Variants in SPTLC1 observed in about 807,000 individuals in gnomAD.
SPTLC1 encodes serine palmitoyltransferase 1.
Under a neutral mutation model 68.9 loss-of-function variants are expected in SPTLC1, and 55 were observed. That is an observed-to-expected ratio of 0.80 (90% CI 0.64 to 1.00). The LOEUF (loss-of-function observed/expected upper bound fraction) is 1.00. Among genes scored for constraint, SPTLC1 ranks in the 50% least tolerant of loss-of-function variants. SPTLC1 has a pLI of 0.00. For synonymous variants in SPTLC1, 197 were observed against 201.6 expected (o/e 0.98, Z 0.19); for missense variants, 449 against 573.1 (o/e 0.78, Z 2.21).
chr9:92,037,848 G>A (rs200584280), intron 13 of SPTLC1, among the ~76,000 whole-genome samples: 5 of 152,286 alleles, frequency 3.3e-5, no homozygotes, highest in South Asian at 4.1e-4. Flanking sequence ...ACAGCCAGCC[G>A]TCCAGGAATG....
intron 5 of SPTLC1, among the ~76,000 whole-genome samples, chr9:92,072,957 C>T (rs543162841): frequency 1.3e-5 from 2 of 151,878 alleles, no homozygotes; most frequent in African/African-American, 4.8e-5. Flanking sequence ...CTTTCTCCCC[C>T]CAACCCACCT....
chr9:92,051,042 C>T, intron 8 of SPTLC1: 1 of 985,296 alleles, frequency 1.0e-6, no homozygotes, highest in Non-Finnish European at 1.2e-6. Context: ...TGTCCATTAG[C>T]ACTGCTTCAT....
At chr9:92,081,497 G>C (rs1834883815) in intron 3 of SPTLC1, among the ~76,000 whole-genome samples, 1 of 152,190 alleles carries the variant, frequency 6.6e-6, no homozygotes, top group African/African-American at 2.4e-5. Flanking sequence ...CACACTCCTG[G>C]GGAGCGGGGA....
At chr9:92,033,025 T>C (rs1353697881) in intron 14 of SPTLC1, among the ~76,000 whole-genome samples, 2 of 152,204 alleles carry the variant, frequency 1.3e-5, no homozygotes, top group African/African-American at 4.8e-5. Context: ...GTCCTCCCAA[T>C]AGGCCTGTCT....
At chr9:92,045,540 A>AC (rs1452608379) in intron 12 of SPTLC1, among the ~76,000 whole-genome samples, 1 of 148,802 alleles carries the variant, frequency 6.7e-6, no homozygotes, top group Non-Finnish European at 1.5e-5. Flanking sequence ...AAAAAAAAAA[A>AC]AAAAAAAAAA....
At chr9:92,114,080 G>T (rs1357807636) in intron 1 of SPTLC1, among the ~76,000 whole-genome samples, 1 of 151,312 alleles carries the variant, frequency 6.6e-6, no homozygotes, top group Non-Finnish European at 1.5e-5. Flanking sequence ...TCGAGGCCAG[G>T]CTGGGCAACA....
At chr9:92,034,746 T>G in intron 14 of SPTLC1, 64 bp downstream of exon 14, 1 of 1,390,376 alleles carries the variant, frequency 7.2e-7, no homozygotes, top group South Asian at 1.2e-5. Flanking sequence ...TTTCAAAAGA[T>G]AACGTATTTC....
At chr9:92,045,089 G>A (rs1833462921) in intron 12 of SPTLC1, among the ~76,000 whole-genome samples, 1 of 152,174 alleles carries the variant, frequency 6.6e-6, no homozygotes, top group Non-Finnish European at 1.5e-5. Flanking sequence ...TGCAAGAACT[G>A]CTGTTACTAT....
intron 6 of SPTLC1, among the ~76,000 whole-genome samples, chr9:92,065,025 T>C (rs1260566804): frequency 6.6e-6 from 1 of 152,242 alleles, no homozygotes; most frequent in Non-Finnish European, 1.5e-5. Flanking sequence ...ATCTTGACAA[T>C]GACAAAGTCA....
intron 12 of SPTLC1, among the ~76,000 whole-genome samples, chr9:92,040,415 A>C (rs540216773): frequency 2.6e-5 from 4 of 152,174 alleles, no homozygotes; most frequent in South Asian, 4.2e-4. Context: ...AAAACAACAA[A>C]AAAAACTGCT....
At chr9:92,089,499 A>G (rs1399175323) in intron 3 of SPTLC1, among the ~76,000 whole-genome samples, 2 of 152,244 alleles carry the variant, frequency 1.3e-5, no homozygotes, top group Non-Finnish European at 1.5e-5. Context: ...CAATAAAATT[A>G]GAAATCTAAA....
intron 6 of SPTLC1, among the ~76,000 whole-genome samples, chr9:92,064,570 G>C (rs1834217148): frequency 6.6e-6 from 1 of 152,176 alleles, no homozygotes; most frequent in Admixed American, 6.5e-5. Context: ...TAAAAACTAT[G>C]CAATACTATA....
At chr9:92,093,002 A>G (rs1295896485) in intron 3 of SPTLC1, among the ~76,000 whole-genome samples, 2 of 152,072 alleles carry the variant, frequency 1.3e-5, no homozygotes, top group African/African-American at 2.4e-5. Flanking sequence ...ATCTTTCAAA[A>G]CCTTTTTTTA....
intron 13 of SPTLC1, 43 bp from the exon 14 acceptor site, chr9:92,034,926 C>T (rs371374699): frequency 2.0e-6 from 3 of 1,520,062 alleles, no homozygotes; most frequent in Non-Finnish European, 2.7e-6. Context: ...GGACTTCAGA[C>T]ATGGTGGTAA....
chr9:92,106,626 G>T (rs1333332355), intron 3 of SPTLC1, among the ~76,000 whole-genome samples: 2 of 152,058 alleles, frequency 1.3e-5, no homozygotes, highest in Admixed American at 6.5e-5. Flanking sequence ...CCCACGTGCT[G>T]TTGGGCCCCT....
chr9:92,051,029 A>G (rs141054074), intron 8 of SPTLC1: 3 of 985,208 alleles, frequency 3.0e-6, no homozygotes, highest in Admixed American at 1.2e-4. Context: ...TTAGTTTCGT[A>G]TCTGTCCATT....
intron 7 of SPTLC1, among the ~76,000 whole-genome samples, chr9:92,057,848 A>T (rs117124740): frequency 0.03 from 4,559 of 152,306 alleles, 131 homozygotes; most frequent in South Asian, 0.11. Flanking sequence ...AAAAAGTAAA[A>T]ATTATAAAGT....
In SPTLC1 at chr9:92,038,366, C is replaced by T. The variant is rs1833219877; in HGVS notation, c.1137-1G>A. ...CCCCACCACTTTTAATCCAGAAATG[C>T]TGAAGAAGGGAAACACACACACAGC... is the stretch of plus-strand genomic sequence containing the variant. On this transcript the variant is annotated splice_acceptor_variant, in intron 12 of 14. Coordinates refer to ENST00000262554, the MANE Select transcript of SPTLC1 (RefSeq NM_006415.4). LOFTEE classifies it high-confidence loss of function. 1.9e-6 allele frequency: 3 copies of T among 1,592,614 alleles called. No individual in the cohort carries two copies. Among genetic ancestry groups the T allele is most frequent in the Non-Finnish European group, 2.6e-6 (3 of 1,160,764 alleles).
intron 6 of SPTLC1, 88 bp from the exon 7 acceptor site, chr9:92,059,396 A>C: frequency 1.5e-6 from 2 of 1,353,684 alleles, no homozygotes; most frequent in East Asian, 4.6e-5. Flanking sequence ...AAGCTGACCA[A>C]TCACTGATTG....
Sources: allele counts gnomAD v4.1 joint callset (sites outside exome capture counted in the v4.1 genomes callset), GRCh38; gene constraint gnomAD v4.1.1; transcripts MANE v1.5; gene names NCBI Gene and HGNC (gene_info 2026-07-23, HGNC 2026-07-21).